The following CCDC144A variants were observed in gnomAD, a reference collection of about 807,000 sequenced individuals.
The protein encoded by CCDC144A is coiled-coil domain-containing protein 144A.
In CCDC144A, 41 loss-of-function variants were observed where a neutral mutation model predicts 143.8. That is an observed-to-expected ratio of 0.29 (90% CI 0.22 to 0.37). The LOEUF (loss-of-function observed/expected upper bound fraction) is 0.37, where lower values mean the gene tolerates loss of function less well. Among genes scored for constraint, CCDC144A ranks in the 10% least tolerant of loss-of-function variants. The pLI is 1.00. For synonymous variants in CCDC144A, 242 were observed against 517.9 expected (o/e 0.47, Z 7.23); for missense variants, 637 against 1,488.8 (o/e 0.43, Z 9.41).
intron 15 of CCDC144A, among the ~76,000 whole-genome samples, chr17:16,768,165 A>C (rs1430271488): frequency 1.3e-5 from 2 of 152,254 alleles, no homozygotes; most frequent in Non-Finnish European, 1.5e-5. Flanking sequence ...AAATTTATTT[A>C]ATCTAAATGG....
Position 16,709,428 on chromosome 17 carries a change from T to C in CCDC144A, c.1371T>C (p.Asn457=), listed in dbSNP as rs541151679. The C allele has an allele frequency of 1.9e-6, 3 of 1,611,644 alleles. No homozygotes were observed. The African/African-American group carries it at 4.0e-5, about 22-fold the overall frequency. The change falls in exon 5 of 17, where the codon AAT becomes AAC. Residue 457 remains asparagine, a synonymous_variant. Coordinates refer to ENST00000399273, the MANE Select transcript of CCDC144A (RefSeq NM_001382000.1). The stretch of plus-strand genomic sequence containing the variant: ...AAATGACAAAAAATATGAACCAAAA[T>C]AGTGACAGTGGCAGTACAAACAACT... ...DLQMTKNMNQ[N]SDSGSTNNYK...
At chr17:16,729,209 G>A (rs1913586591) in intron 9 of CCDC144A, among the ~76,000 whole-genome samples, 2 of 152,146 alleles carry the variant, frequency 1.3e-5, no homozygotes, top group South Asian at 4.1e-4. Flanking sequence ...TCCACCAGCA[G>A]TGTATAAGCA....
intron 12 of CCDC144A, among the ~76,000 whole-genome samples, chr17:16,758,990 T>G (rs1488147187): frequency 6.6e-6 from 1 of 152,252 alleles, no homozygotes; most frequent in Non-Finnish European, 1.5e-5. Context: ...GCGTATACCC[T>G]TAAGATCTTT....
the CCDC144A span, among the ~76,000 whole-genome samples, chr17:16,676,644 C>T: frequency 6.6e-6 from 1 of 152,030 alleles, no homozygotes. Flanking sequence ...TCTCTTCTTA[C>T]CAGACAATTG....
chr17:16,750,822 G>A (rs1476437049), intron 12 of CCDC144A, among the ~76,000 whole-genome samples: 2 of 151,978 alleles, frequency 1.3e-5, no homozygotes, highest in East Asian at 3.9e-4. Context: ...CCTCCGCTTG[G>A]TCTCATCTGG....
In CCDC144A at chr17:16,764,550, T is replaced by A. The variant is rs1286731973; in HGVS notation, c.4098+375T>A. ...TGTGCCTGGGGTCACTTTTAAAGTT[T>A]TTCTGCGTCATCTCAGGTTTTCTAC... On this transcript the variant is annotated intron_variant, in intron 15 of 16. Transcript: ENST00000399273. The A allele has an allele frequency of 1.4e-5, 4 of 288,868 alleles. No individual in the cohort carries two copies. In the East Asian group the frequency reaches 4.5e-4, roughly 32 times the overall value. 17.9% of individuals were successfully genotyped at this position (288,868 alleles called of 1,614,324 possible).
upstream of CCDC144A, among the ~76,000 whole-genome samples, chr17:16,685,037 G>A (rs894124695): frequency 6.6e-6 from 1 of 152,060 alleles, no homozygotes; most frequent in Non-Finnish European, 1.5e-5. Flanking sequence ...CATTTTTTTG[G>A]TTTGGTTTGG....
intron 14 of CCDC144A, among the ~76,000 whole-genome samples, chr17:16,762,748 T>C (rs1915433081): frequency 1.3e-5 from 2 of 152,298 alleles, no homozygotes; most frequent in South Asian, 4.1e-4. Flanking sequence ...AAAATCTTAG[T>C]CCAGGACAGT....
the CCDC144A span, among the ~76,000 whole-genome samples, chr17:16,674,852 TCAAA>T: frequency 5.3e-5 from 8 of 152,286 alleles, no homozygotes; most frequent in Admixed American, 2.6e-4. Context: ...ATAAATCTAA[TCAAA>T]CAAATTGAAG....
intron 1 of CCDC144A, among the ~76,000 whole-genome samples, chr17:16,692,700 T>C (rs1911159961): frequency 6.6e-6 from 1 of 151,796 alleles, no homozygotes; most frequent in Non-Finnish European, 1.5e-5. Flanking sequence ...AGAGAATAAA[T>C]AGCTGCTGGT....
the CCDC144A span, among the ~76,000 whole-genome samples, chr17:16,668,564 T>A: frequency 2.6e-5 from 4 of 152,236 alleles, no homozygotes; most frequent in Admixed American, 6.5e-5. Context: ...GCTTTTGACA[T>A]AATGAAAGTG....
intron 9 of CCDC144A, among the ~76,000 whole-genome samples, chr17:16,729,263 CTTTTT>C (rs1321262860): frequency 3.9e-5 from 6 of 152,126 alleles, no homozygotes; most frequent in African/African-American, 7.2e-5. Flanking sequence ...TGTTTTTTGA[CTTTTT>C]AATAATGAGC....
intron 12 of CCDC144A, among the ~76,000 whole-genome samples, chr17:16,755,915 A>G (rs1246604040): frequency 5.3e-5 from 8 of 152,132 alleles, no homozygotes; most frequent in Non-Finnish European, 1.2e-4. Flanking sequence ...CTTGACAGGC[A>G]GTCTTTTTCT....
At chr17:16,714,111 T>C (rs967894816) in intron 6 of CCDC144A, among the ~76,000 whole-genome samples, 1 of 152,200 alleles carries the variant, frequency 6.6e-6, no homozygotes, top group Non-Finnish European at 1.5e-5. Flanking sequence ...CTCACTCACC[T>C]GGCTTTTCTT....
At chr17:16,703,083 G>T (rs1423378723) in intron 2 of CCDC144A, among the ~76,000 whole-genome samples, 1 of 152,188 alleles carries the variant, frequency 6.6e-6, no homozygotes, top group Non-Finnish European at 1.5e-5. Context: ...TTAAAACATT[G>T]ATTCTGAAAC....
intron 9 of CCDC144A, among the ~76,000 whole-genome samples, chr17:16,730,002 A>G (rs1913660766): frequency 7.3e-6 from 1 of 136,612 alleles, no homozygotes; most frequent in African/African-American, 2.8e-5. Context: ...ACACACATAC[A>G]TTTTTTGTTT....
chr17:16,746,592 G>T lies in CCDC144A; in HGVS notation c.3372+10949G>T, dbSNP rs1914532842. On this transcript the variant is annotated intron_variant, in intron 12 of 16. Transcript: ENST00000399273. ...TATCCATCAAAACGATCTCTAAAAA[G>T]AAGGATGTCATCAGGATTCCTAAAA... 3.7e-6 allele frequency: 6 copies of T among 1,613,666 alleles called. No homozygotes were observed. In the East Asian group the frequency reaches 1.3e-4, roughly 36 times the overall value.
At position 16,724,887 on chromosome 17, in the gene CCDC144A, G is replaced by A. The variant is rs373537113; in HGVS notation, c.1892-2640G>A. Among the ~76,000 whole-genome samples, 5 of 127,256 alleles carry A rather than the reference G, an allele frequency of 3.9e-5. No individual in the cohort carries two copies. In the South Asian group the frequency reaches 1.0e-3, roughly 26 times the overall value. 83.5% of individuals were successfully genotyped at this position (127,256 alleles called of 152,430 possible). A position where few individuals can be genotyped will look rare whatever the true frequency, so the allele number is the denominator to read the frequency against. On this transcript the variant is annotated intron_variant, in intron 8 of 16. Coordinates refer to ENST00000399273, the MANE Select transcript of CCDC144A (RefSeq NM_001382000.1). ...AGGATGGTCTCAATCTCCTGACCTC[G>A]TGATCCACCTGCCTCGGCCTCCCAA...
At chr17:16,688,815 T>C (rs1429009164), upstream of CCDC144A, among the ~76,000 whole-genome samples, 1 of 152,154 alleles carries the variant, frequency 6.6e-6, no homozygotes. Flanking sequence ...GATTGCTTCC[T>C]TACGCCTTTC....
Sources: allele counts gnomAD v4.1 joint callset (sites outside exome capture counted in the v4.1 genomes callset), GRCh38; gene constraint gnomAD v4.1.1; transcripts MANE v1.5; gene names NCBI Gene and HGNC (gene_info 2026-07-23, HGNC 2026-07-21).